Variants in PPIA observed in about 807,000 individuals in gnomAD.
PPIA encodes peptidyl-prolyl cis-trans isomerase A.
Under a neutral mutation model 15.3 loss-of-function variants are expected in PPIA, and 2 were observed. The ratio of observed to expected loss-of-function variants is 0.13; its 90% CI spans 0.05 to 0.41. PPIA has a LOEUF of 0.41. Ranked by LOEUF, PPIA falls within the 10% of genes least tolerant of loss-of-function variation. The pLI, the probability that PPIA is intolerant of heterozygous loss-of-function variation, is 0.99. For synonymous variants in PPIA, 67 were observed against 73.1 expected (o/e 0.92, Z 0.43); for missense variants, 103 against 210.3 (o/e 0.49, Z 3.16).
At chr7:44,799,598 C>T in intron 3 of PPIA, 104 bp from the exon 4 acceptor site, 1 of 1,574,514 alleles carries the variant, frequency 6.4e-7, no homozygotes, top group Non-Finnish European at 8.7e-7. Flanking sequence ...TTCTATTTAA[C>T]CCTTCTATTC....
At position 44,801,184 on chromosome 7, in the gene PPIA, GTT is replaced by G. The variant is rs1792548284; in HGVS notation, c.363-102_363-101del. On this transcript the variant is annotated intron_variant, in intron 4 of 4. Transcript: ENST00000468812. Reference sequence around the variant, plus strand: ...ATGACATTTAGTACAAAAGGCTTCAGTTAAAAAAAAAAAAAAAAGCTACCTTT... The same window carrying G: ...ATGACATTTAGTACAAAAGGCTTCAGAAAAAAAAAAAAAAAAGCTACCTTT... 1.5e-5 allele frequency: 16 copies of G among 1,057,410 alleles called. No homozygotes were observed. In the East Asian group the frequency reaches 3.8e-4, roughly 25 times the overall value. 65.5% of individuals were successfully genotyped at this position (1,057,410 alleles called of 1,614,324 possible). A position where few individuals can be genotyped will look rare whatever the true frequency, so the allele number is the denominator to read the frequency against.
chr7:44,799,527 T>C (rs1792482137), intron 3 of PPIA, 47 bp downstream of exon 3: 1 of 1,596,896 alleles, frequency 6.3e-7, no homozygotes, highest in South Asian at 1.1e-5. Flanking sequence ...CTCCCTTCAT[T>C]TGGGATTGAG....
Position 44,797,796 on chromosome 7 carries a change from T to C in PPIA, c.69+1003T>C, listed in dbSNP as rs377578738. Among the ~76,000 whole-genome samples, 9 of 152,348 alleles carry C rather than the reference T, an allele frequency of 5.9e-5. No individual in the cohort carries two copies. The South Asian group carries it at 1.2e-3, about 21-fold the overall frequency. On this transcript the variant is annotated intron_variant, in intron 1 of 4. Transcript: ENST00000468812. ...CTTAGGGAGTAGCGAAATAGGATGT[T>C]AGTGGTTTTATTCCTTTAAATCACA...
At chr7:44,796,897 GGGGCGAGCGC>G (rs1332242511) in intron 1 of PPIA, 104 bp downstream of exon 1, 1 of 1,268,216 alleles carries the variant, frequency 7.9e-7, no homozygotes, top group African/African-American at 1.6e-5. Flanking sequence ...CCCTGCTTGA[GGGGCGAGCGC>G]GGGCGGGCTG....
rs533724784 is a variant in PPIA at position 44,802,727 on chromosome 7, A to G, written c.*1305A>G. 4 of 152,328 alleles carry G rather than the reference A, an allele frequency of 2.6e-5. No homozygotes were observed. The highest frequency in any genetic ancestry group is 9.6e-5 in the African/African-American group (4 of 41,568). The allele number at this position is 152,328 out of a possible 1,614,324, so 9.4% of individuals were successfully genotyped here. On this transcript the variant is annotated 3_prime_UTR_variant, in exon 5 of 5. Coordinates refer to ENST00000468812, the MANE Select transcript of PPIA (RefSeq NM_021130.5). Reference sequence around the variant, plus strand: ...TTTGCAAACCTGACCAATTTAAGCCATAAGATCTGGTCAAAGGGATACCCT... The same window carrying G: ...TTTGCAAACCTGACCAATTTAAGCCGTAAGATCTGGTCAAAGGGATACCCT...
In PPIA at chr7:44,799,286, A is replaced by G. The variant is rs566645860; in HGVS notation, c.100+9A>G. ...GGTCCCAAAGACAGCAGGTTGGTCCATTTTCTAAGTTTAACAAAGATGTTC... is the reference window on the plus strand; with the variant it reads ...GGTCCCAAAGACAGCAGGTTGGTCCGTTTTCTAAGTTTAACAAAGATGTTC... On this transcript the variant is annotated intron_variant, in intron 2 of 4. Transcript: ENST00000468812. 2.5e-6 allele frequency: 4 copies of G among 1,613,660 alleles called. No homozygotes were observed. The highest frequency in any genetic ancestry group is 2.2e-5 in the East Asian group (1 of 44,866).
chr7:44,802,902 C>T lies in PPIA; in HGVS notation c.*1480C>T, dbSNP rs1583695181. On this transcript the variant is annotated 3_prime_UTR_variant, in exon 5 of 5. Transcript: ENST00000468812. ...AACCCAGCAATCAAGTTTGCCTATCCTAGAGGTGGCGGATTTGATCATTTG... is the reference window on the plus strand; with the variant it reads ...AACCCAGCAATCAAGTTTGCCTATCTTAGAGGTGGCGGATTTGATCATTTG... 6.6e-6 allele frequency: 1 copy of T among 152,168 alleles called. No individual in the cohort carries two copies. Among genetic ancestry groups the T allele is most frequent in the African/African-American group, 2.4e-5 (1 of 41,432 alleles). The allele number at this position is 152,168 out of a possible 1,614,324, so 9.4% of individuals were successfully genotyped here.
In PPIA at chr7:44,802,163, A is replaced by T. The variant is rs1792586502; in HGVS notation, c.*741A>T. On this transcript the variant is annotated 3_prime_UTR_variant, in exon 5 of 5. Transcript: ENST00000468812. ...GATGACTAATGTCAAAAATTGAGAC[A>T]TCTGTTGCGGTTTTTTTTTTTTTTT... The T allele has an allele frequency of 1.5e-5, 2 of 129,794 alleles. No homozygotes were observed. Among genetic ancestry groups the T allele is most frequent in the Admixed American group, 9.8e-5 (1 of 10,250 alleles). The allele number at this position is 129,794 out of a possible 1,614,324, so 8.0% of individuals were successfully genotyped here. A position where few individuals can be genotyped will look rare whatever the true frequency, so the allele number is the denominator to read the frequency against.
rs1792373530 is a variant in PPIA, at chr7:44,796,698, G to A, written c.-27G>A. On this transcript the variant is annotated 5_prime_UTR_variant, in exon 1 of 5. Coordinates refer to ENST00000468812, the MANE Select transcript of PPIA (RefSeq NM_021130.5). ...CTCGTGCCGTTTTGCAGACGCCACC[G>A]CCGAGGAAAACCGTGTACTATTAGC... 6 of 1,607,290 alleles carry A rather than the reference G, an allele frequency of 3.7e-6. No individual in the cohort carries two copies. The highest frequency in any genetic ancestry group is 2.7e-5 in the African/African-American group (2 of 74,354).
rs777466554 is a variant in PPIA at position 44,796,717 on chromosome 7, T to A, written c.-8T>A. On this transcript the variant is annotated 5_prime_UTR_variant, in exon 1 of 5. Coordinates refer to ENST00000468812, the MANE Select transcript of PPIA (RefSeq NM_021130.5). ...GCCACCGCCGAGGAAAACCGTGTAC[T>A]ATTAGCCATGGTCAACCCCACCGTG... 7.5e-6 allele frequency: 12 copies of A among 1,610,312 alleles called. No individual in the cohort carries two copies. In the East Asian group the frequency reaches 2.2e-4, roughly 30 times the overall value.
At chr7:44,800,879 G>A (rs553217940) in intron 4 of PPIA, among the ~76,000 whole-genome samples, 245 of 152,100 alleles carry the variant, frequency 1.6e-3, no homozygotes, top group Admixed American at 2.7e-3. Flanking sequence ...GTGCAGTGGC[G>A]CGATCTCGGC....
chr7:44,798,867 C>A (rs573491651), intron 1 of PPIA: 4 of 1,020,640 alleles, frequency 3.9e-6, no homozygotes, highest in Admixed American at 1.1e-4. Flanking sequence ...TACCCCTGAT[C>A]GTGCAGCAGT....
rs750997795 is a variant in PPIA, at chr7:44,796,713, G to A, written c.-12G>A. On this transcript the variant is annotated 5_prime_UTR_variant, in exon 1 of 5. Transcript: ENST00000468812. ...AGACGCCACCGCCGAGGAAAACCGTGTACTATTAGCCATGGTCAACCCCAC... is the reference window on the plus strand; with the variant it reads ...AGACGCCACCGCCGAGGAAAACCGTATACTATTAGCCATGGTCAACCCCAC... 13 of 1,610,248 alleles carry A rather than the reference G, an allele frequency of 8.1e-6. No homozygotes were observed. The highest frequency in any genetic ancestry group is 1.9e-4 in the Middle Eastern group (1 of 5,160).
chr7:44,797,622 G>T (rs1792418792), intron 1 of PPIA, among the ~76,000 whole-genome samples: 1 of 152,198 alleles, frequency 6.6e-6, no homozygotes, highest in African/African-American at 2.4e-5. Flanking sequence ...TCCGACCAAG[G>T]TGGATTACCA....
chr7:44,799,349 A>AT, intron 2 of PPIA, 43 bp from the exon 3 acceptor site: 1 of 1,599,018 alleles, frequency 6.3e-7, no homozygotes, highest in Non-Finnish European at 8.5e-7. Flanking sequence ...GTATATATAT[A>AT]TTTTTATGTA....
rs1583695053 is a variant in PPIA at position 44,802,786 on chromosome 7, A to G, written c.*1364A>G. On this transcript the variant is annotated 3_prime_UTR_variant, in exon 5 of 5. Coordinates refer to ENST00000468812, the MANE Select transcript of PPIA (RefSeq NM_021130.5). The stretch of plus-strand genomic sequence containing the variant: ...AGGACTTGGTTTCTCAGGAAATTAT[A>G]TGTACAGTGCTTGCTGGCAGTTAGA... The G allele has an allele frequency of 2.6e-5, 4 of 152,150 alleles. No individual in the cohort carries two copies. The East Asian group carries it at 7.7e-4, about 29-fold the overall frequency. The allele number at this position is 152,150 out of a possible 1,614,324, so 9.4% of individuals were successfully genotyped here.
intron 1 of PPIA, among the ~76,000 whole-genome samples, chr7:44,797,642 T>G (rs1792419603): frequency 1.3e-5 from 2 of 152,214 alleles, no homozygotes; most frequent in South Asian, 4.1e-4. Flanking sequence ...AGTGATTACC[T>G]AATTAGTTTT....
chr7:44,800,012 A>G, intron 4 of PPIA, 138 bp downstream of exon 4: 3 of 891,244 alleles, frequency 3.4e-6, no homozygotes, highest in Non-Finnish European at 5.1e-6. Flanking sequence ...AAGAGCATAC[A>G]TAAACGACAA....
chr7:44,796,721 A>G lies in PPIA; in HGVS notation c.-4A>G, dbSNP rs1792376592. ...CCGCCGAGGAAAACCGTGTACTATT[A>G]GCCATGGTCAACCCCACCGTGTTCT... On this transcript the variant is annotated 5_prime_UTR_variant, in exon 1 of 5. Coordinates refer to ENST00000468812, the MANE Select transcript of PPIA (RefSeq NM_021130.5). 1.2e-6 allele frequency: 2 copies of G among 1,610,366 alleles called. No homozygotes were observed. The highest frequency in any genetic ancestry group is 1.7e-6 in the Non-Finnish European group (2 of 1,178,804).
Sources: gnomAD v4.1 joint callset for allele counts (sites outside exome capture counted in the v4.1 genomes callset) on GRCh38, gnomAD v4.1.1 for gene constraint, MANE v1.5 for transcripts, NCBI Gene and HGNC (gene_info 2026-07-23, HGNC 2026-07-21) for gene names.